Variants in PCDHGA4 observed in about 807,000 individuals in gnomAD.
The protein encoded by PCDHGA4 is protocadherin gamma subfamily A, 4.
A neutral mutation model predicts 54.6 loss-of-function variants in PCDHGA4; 38 were observed. That is an observed-to-expected ratio of 0.70 (90% CI 0.54 to 0.91). PCDHGA4 has a LOEUF of 0.91. Ranked by LOEUF, PCDHGA4 falls within the 40% of genes least tolerant of loss-of-function variation. The probability of loss-of-function intolerance (pLI) is 0.00; values close to 1 mark genes in which losing one functional copy is unlikely to be tolerated. For synonymous variants in PCDHGA4, 511 were observed against 512.9 expected, an observed-to-expected ratio of 1.00 and a Z score of 0.05; for missense variants, 1,298 against 1,220.9, an observed-to-expected ratio of 1.06 and a Z score of -0.94.
Position 141,476,290 on chromosome 5 carries a change from C to G in PCDHGA4, c.2515-18517C>G, listed in dbSNP as rs768208156. The stretch of plus-strand genomic sequence containing the variant: ...TGGTCGCGAACCTTGGTTTGGATCT[C>G]GGTAGCCTCTCAGCCCGCAGGTTCC... On this transcript the variant is annotated intron_variant, in intron 1 of 3. Coordinates refer to ENST00000571252, the MANE Select transcript of PCDHGA4 (RefSeq NM_018917.4). The surrounding 1 kb of genome is among the most constrained non-coding windows in gnomAD (Gnocchi z 7.6). 1 of 1,614,050 alleles carries G rather than the reference C, an allele frequency of 6.2e-7. No homozygotes were observed. The highest frequency in any genetic ancestry group is 1.7e-5 in the Admixed American group (1 of 60,012).
Position 141,403,717 on chromosome 5 carries a change from G to A in PCDHGA4, c.2514+46096G>A, listed in dbSNP as rs1561689674. On this transcript the variant is annotated intron_variant, in intron 1 of 3. Transcript: ENST00000571252. Reference sequence around the variant, plus strand: ...ACCGAGTTAAAGTCCTTGAGAACGTGCCCCCAGGCACCTGGCTGCTTACTG... The same window carrying A: ...ACCGAGTTAAAGTCCTTGAGAACGTACCCCCAGGCACCTGGCTGCTTACTG... 3 of 1,613,936 alleles carry A rather than the reference G, an allele frequency of 1.9e-6. No homozygotes were observed. In the South Asian group the frequency reaches 3.3e-5, roughly 18 times the overall value.
At chr5:141,372,507 C>G (rs1393188281) in intron 1 of PCDHGA4, 1 of 1,614,044 alleles carries the variant, frequency 6.2e-7, no homozygotes, top group Non-Finnish European at 8.5e-7. Context: ...GCTCTTCCTC[C>G]TCGCGGTGAT....
intron 1 of PCDHGA4, chr5:141,423,689 G>T: frequency 7.1e-7 from 1 of 1,400,130 alleles, no homozygotes; most frequent in Non-Finnish European, 9.4e-7. Context: ...CCTCCTAATT[G>T]TTGGTGTCTT....
At chr5:141,372,457 TAC>T (rs774918013) in intron 1 of PCDHGA4, 3 of 1,614,052 alleles carry the variant, frequency 1.9e-6, no homozygotes, top group Non-Finnish European at 1.7e-6. Flanking sequence ...CAGGCGGAGC[TAC>T]AGTTTCACCT....
intron 1 of PCDHGA4, among the ~76,000 whole-genome samples, chr5:141,386,669 A>T (rs774102519): frequency 4.6e-5 from 7 of 152,086 alleles, no homozygotes; most frequent in Admixed American, 1.3e-4. Flanking sequence ...CAGTGTTCAC[A>T]TTTCAGATGT....
chr5:141,471,044 CT>C (rs1432278092), intron 1 of PCDHGA4, among the ~76,000 whole-genome samples: 3 of 136,442 alleles, frequency 2.2e-5, no homozygotes. Flanking sequence ...AGCCCAAGCC[CT>C]CTTTTTTTTT....
At chr5:141,375,616 T>A (rs745318336) in intron 1 of PCDHGA4, 5 of 1,614,200 alleles carry the variant, frequency 3.1e-6, no homozygotes, top group Admixed American at 1.7e-5. Flanking sequence ...ACTCCGACAC[T>A]GGGATTCTGT....
At chr5:141,502,866 C>CTTTTTTTT (rs549047197) in intron 2 of PCDHGA4, among the ~76,000 whole-genome samples, 38,988 of 127,080 alleles carry the variant, frequency 0.31, 7,978 homozygotes, top group African/African-American at 0.51. Flanking sequence ...GACTCTCTGT[C>CTTTTTTTT]TTTTTTTTTT....
At chr5:141,359,674 C>T (rs1431712939) in intron 1 of PCDHGA4, among the ~76,000 whole-genome samples, 1 of 151,866 alleles carries the variant, frequency 6.6e-6, no homozygotes, top group Admixed American at 6.6e-5. Context: ...AATCCGTTGC[C>T]CTATACAAGA....
chr5:141,476,091 G>A lies in PCDHGA4; in HGVS notation c.2515-18716G>A. The A allele has an allele frequency of 2.6e-6, 4 of 1,563,192 alleles. No individual in the cohort carries two copies. The highest frequency in any genetic ancestry group is 3.5e-6 in the Non-Finnish European group (4 of 1,159,278). On this transcript the variant is annotated intron_variant, in intron 1 of 3. Transcript: ENST00000571252. The surrounding 1 kb of genome is among the most constrained non-coding windows in gnomAD (Gnocchi z 7.6). ...AAATCTCAGGGACGATCTGGACCCCGCTGAGAGGAACTGCTTTTGAGTGAG... is the reference window on the plus strand; with the variant it reads ...AAATCTCAGGGACGATCTGGACCCCACTGAGAGGAACTGCTTTTGAGTGAG...
intron 1 of PCDHGA4, among the ~76,000 whole-genome samples, chr5:141,484,764 A>G (rs1469048336): frequency 6.6e-6 from 1 of 151,806 alleles, no homozygotes; most frequent in African/African-American, 2.4e-5. Flanking sequence ...ATATATATAT[A>G]TGTTGTCTGC....
intron 1 of PCDHGA4, chr5:141,421,732 C>T: frequency 6.2e-7 from 1 of 1,613,934 alleles, no homozygotes; most frequent in Non-Finnish European, 8.5e-7. Flanking sequence ...GAACTCCCTC[C>T]AGAGCTACCA....
intron 1 of PCDHGA4, chr5:141,360,795 A>G (rs755316172): frequency 2.5e-6 from 4 of 1,613,818 alleles, no homozygotes; most frequent in African/African-American, 2.7e-5. Context: ...GCGGAGACCC[A>G]CCTCAAAGTG....
At chr5:141,408,059 C>T in intron 1 of PCDHGA4, 1 of 1,317,324 alleles carries the variant, frequency 7.6e-7, no homozygotes, top group Non-Finnish European at 1.0e-6. Flanking sequence ...AGCCTCCCGG[C>T]TGCGCAGACC....
At chr5:141,478,339 C>A in intron 1 of PCDHGA4, 1 of 1,613,918 alleles carries the variant, frequency 6.2e-7, no homozygotes, top group Admixed American at 1.7e-5. Flanking sequence ...CAGGGCCCTC[C>A]TTGCACGCGG....
chr5:141,468,351 A>T (rs1030472813), intron 1 of PCDHGA4: 1 of 149,190 alleles, frequency 6.7e-6, no homozygotes, highest in East Asian at 2.0e-4. Flanking sequence ...AAAAAAAAAG[A>T]AAGAAAAAAG....
chr5:141,371,686 C>T (rs377384867), intron 1 of PCDHGA4: 11 of 1,614,026 alleles, frequency 6.8e-6, no homozygotes, highest in Non-Finnish European at 9.3e-6. Flanking sequence ...GGCAATCCAC[C>T]GCTCTCCTCC....
At chr5:141,365,872 G>A (rs1172437111) in intron 1 of PCDHGA4, 1 of 1,614,088 alleles carries the variant, frequency 6.2e-7, no homozygotes, top group African/African-American at 1.3e-5. Flanking sequence ...CCGGTGTCCT[G>A]TATGCTCTGA....
chr5:141,401,564 C>A (rs2094168610), intron 1 of PCDHGA4, among the ~76,000 whole-genome samples: 1 of 152,204 alleles, frequency 6.6e-6, no homozygotes, highest in African/African-American at 2.4e-5. Flanking sequence ...GCCTGAATTT[C>A]TCTTGCTCGG....
Sources: allele counts gnomAD v4.1 joint callset (sites outside exome capture counted in the v4.1 genomes callset), GRCh38; gene constraint gnomAD v4.1.1; non-coding constraint Gnocchi (gnomAD v3.1); transcripts MANE v1.5; gene names NCBI Gene and HGNC (gene_info 2026-07-23, HGNC 2026-07-21).